EXOC4: variants seen among roughly 807,000 people sequenced by gnomAD.
EXOC4 encodes the protein SEC8-like 1.
In EXOC4, 71 loss-of-function variants were observed where a neutral mutation model predicts 107.2. The ratio of observed to expected loss-of-function variants is 0.66; its 90% CI spans 0.55 to 0.81. The LOEUF is 0.81. Among genes scored for constraint, EXOC4 ranks in the 30% least tolerant of loss-of-function variants. The pLI, the probability that EXOC4 is intolerant of heterozygous loss-of-function variation, is 0.00. For synonymous variants in EXOC4, 456 were observed against 441.2 expected (o/e 1.03, Z -0.42); for missense variants, 1,108 against 1,189.6 (o/e 0.93, Z 1.01).
intron 5 of EXOC4, among the ~76,000 whole-genome samples, chr7:133,332,443 A>C (rs1201129385): frequency 6.6e-6 from 1 of 152,164 alleles, no homozygotes; most frequent in Non-Finnish European, 1.5e-5. Flanking sequence ...ATCCTGGCCA[A>C]CATGGTGACC....
the EXOC4 span, among the ~76,000 whole-genome samples, chr7:134,094,828 A>G: frequency 1.6e-4 from 24 of 151,940 alleles, no homozygotes; most frequent in African/African-American, 5.6e-4. Flanking sequence ...TCAAAGGAAC[A>G]TATCTATGAC....
At chr7:133,474,406 C>G (rs1309848603) in intron 7 of EXOC4, among the ~76,000 whole-genome samples, 1 of 151,938 alleles carries the variant, frequency 6.6e-6, no homozygotes, top group Non-Finnish European at 1.5e-5. Flanking sequence ...ACCTCTGGTT[C>G]AAGTGATTCT....
intron 4 of EXOC4, among the ~76,000 whole-genome samples, chr7:133,312,087 T>C (rs1353549880): frequency 6.6e-6 from 1 of 152,144 alleles, no homozygotes; most frequent in African/African-American, 2.4e-5. Context: ...TACCAGTTCA[T>C]AAAAATATAT....
At chr7:133,457,290 G>A (rs1333908968) in intron 7 of EXOC4, among the ~76,000 whole-genome samples, 1 of 152,150 alleles carries the variant, frequency 6.6e-6, no homozygotes, top group African/African-American at 2.4e-5. Flanking sequence ...TTGATAAGAG[G>A]TTGTTATTGA....
At chr7:133,278,976 C>A (rs993275245) in intron 2 of EXOC4, among the ~76,000 whole-genome samples, 2 of 151,804 alleles carry the variant, frequency 1.3e-5, no homozygotes, top group African/African-American at 2.4e-5. Context: ...CCACTCCCCC[C>A]ACCCCACAAC....
intron 10 of EXOC4, among the ~76,000 whole-genome samples, chr7:133,711,067 A>G (rs979142181): frequency 1.3e-5 from 2 of 152,234 alleles, no homozygotes; most frequent in Non-Finnish European, 2.9e-5. Context: ...AATGAACTGT[A>G]TCATTTTTTA....
intron 10 of EXOC4, among the ~76,000 whole-genome samples, chr7:133,780,234 C>CA (rs1182015810): frequency 6.9e-4 from 101 of 146,418 alleles, no homozygotes; most frequent in African/African-American, 2.2e-3. Context: ...AATATGCTTC[C>CA]CAAAAAAAAA....
At chr7:134,056,750 TATTTATAA>T in intron 17 of EXOC4, among the ~76,000 whole-genome samples, 1 of 152,292 alleles carries the variant, frequency 6.6e-6, no homozygotes, top group African/African-American at 2.4e-5. Context: ...CAACCATAGA[TATTTATAA>T]ATTTAGAACG....
chr7:133,967,517 G>C (rs1469649451), intron 14 of EXOC4, among the ~76,000 whole-genome samples: 1 of 152,068 alleles, frequency 6.6e-6, no homozygotes, highest in East Asian at 1.9e-4. Flanking sequence ...GAGAGATTCT[G>C]GTATGTTGTG....
At chr7:133,844,448 GGC>G (rs1563023662) in intron 11 of EXOC4, among the ~76,000 whole-genome samples, 2 of 127,490 alleles carry the variant, frequency 1.6e-5, no homozygotes, top group South Asian at 2.5e-4. Flanking sequence ...GGAGTACAGT[GGC>G]GCGATCTTGG....
intron 11 of EXOC4, among the ~76,000 whole-genome samples, chr7:133,835,846 C>T (rs1246227668): frequency 1.3e-5 from 2 of 152,126 alleles, no homozygotes; most frequent in Non-Finnish European, 2.9e-5. Flanking sequence ...TATCTTTACT[C>T]TTTCTCAACC....
intron 15 of EXOC4, 96 bp downstream of exon 15, chr7:133,997,729 C>A: frequency 1.4e-6 from 2 of 1,386,718 alleles, no homozygotes; most frequent in Non-Finnish European, 9.8e-7. Flanking sequence ...TAATTTCTGG[C>A]TCATATTATT....
chr7:133,607,074 G>T (rs1801966873), intron 9 of EXOC4, among the ~76,000 whole-genome samples: 1 of 152,174 alleles, frequency 6.6e-6, no homozygotes, highest in Non-Finnish European at 1.5e-5. Flanking sequence ...AAGCATCATT[G>T]TCACAGCCTG....
intron 9 of EXOC4, among the ~76,000 whole-genome samples, chr7:133,613,742 T>C (rs1182173411): frequency 6.6e-6 from 1 of 152,190 alleles, no homozygotes; most frequent in Non-Finnish European, 1.5e-5. Context: ...GAGCTGTCAC[T>C]GAAGCTGCAT....
chr7:133,899,133 A>T (rs963113463), intron 12 of EXOC4, among the ~76,000 whole-genome samples: 1 of 151,634 alleles, frequency 6.6e-6, no homozygotes, highest in South Asian at 2.1e-4. Flanking sequence ...TTTTTCTAGT[A>T]AGTTGTCTGA....
At chr7:133,635,810 A>G (rs1254096376) in intron 10 of EXOC4, among the ~76,000 whole-genome samples, 1 of 152,204 alleles carries the variant, frequency 6.6e-6, no homozygotes, top group Non-Finnish European at 1.5e-5. Context: ...TTCCCTGTGC[A>G]CTGGGACAGA....
At chr7:133,907,970 A>G (rs1044897055) in intron 12 of EXOC4, among the ~76,000 whole-genome samples, 1 of 152,182 alleles carries the variant, frequency 6.6e-6, no homozygotes, top group Non-Finnish European at 1.5e-5. Context: ...GTGTCTCTGT[A>G]TAGGCCTTGC....
chr7:134,051,430 C>G (rs1356829012), intron 17 of EXOC4, among the ~76,000 whole-genome samples: 2 of 151,898 alleles, frequency 1.3e-5, no homozygotes, highest in Non-Finnish European at 1.5e-5. Context: ...CCTAGCACTT[C>G]GGGAGGCCGA....
chr7:133,612,627 A>G (rs890836713), intron 9 of EXOC4, among the ~76,000 whole-genome samples: 1 of 152,202 alleles, frequency 6.6e-6, no homozygotes, highest in African/African-American at 2.4e-5. Context: ...TCTGGCATGT[A>G]TGACAGTCCA....
Sources: allele counts gnomAD v4.1 joint callset (sites outside exome capture counted in the v4.1 genomes callset), GRCh38; gene constraint gnomAD v4.1.1; transcripts MANE v1.5; gene names NCBI Gene and HGNC (gene_info 2026-07-23, HGNC 2026-07-21).